Variants in PARP11 observed in about 807,000 individuals in gnomAD.
The protein encoded by PARP11 is protein mono-ADP-ribosyltransferase PARP11.
In PARP11, 31 loss-of-function variants were observed where a neutral mutation model predicts 42.9. That is an observed-to-expected ratio of 0.72 (90% CI 0.54 to 0.98). PARP11 has a LOEUF of 0.98. PARP11 is among the 50% of genes least tolerant of loss of function. The pLI is 0.00. For missense variants in PARP11, 365 were observed against 413.1 expected, an observed-to-expected ratio of 0.88 and a Z score of 1.01; for synonymous variants, 137 against 127.3, an observed-to-expected ratio of 1.08 and a Z score of -0.51.
intron 4 of PARP11, among the ~76,000 whole-genome samples, chr12:3,823,098 G>A (rs933869219): frequency 3.3e-5 from 5 of 152,104 alleles, no homozygotes; most frequent in Admixed American, 6.5e-5. Flanking sequence ...CACACCAATC[G>A]CCTCCAGTGA....
At chr12:3,842,732 T>G (rs1388708411) in intron 1 of PARP11, among the ~76,000 whole-genome samples, 3 of 152,218 alleles carry the variant, frequency 2.0e-5, no homozygotes, top group Admixed American at 2.0e-4. Flanking sequence ...CAGAATCTGT[T>G]TATCTATCAA....
At position 3,868,415 on chromosome 12, in the gene PARP11, A is replaced by G. The variant is rs147518262; in HGVS notation, c.18+4797T>C. On this transcript the variant is annotated intron_variant, in intron 1 of 7. Transcript: ENST00000228820. ...GCAGAGGTTGCAGTTAGCCGAGATC[A>G]TGCCACTGCACTCCAGCTTGGGTGA... is the stretch of plus-strand genomic sequence containing the variant. 5.2e-3 allele frequency among the ~76,000 whole-genome samples: 787 copies of G among 152,284 alleles called. 8 individuals are homozygous for G. The highest frequency in any genetic ancestry group is 0.017 in the Middle Eastern group (5 of 294).
At chr12:3,824,487 A>C (rs1342463050) in intron 4 of PARP11, 1 of 215,446 alleles carries the variant, frequency 4.6e-6, no homozygotes, top group Non-Finnish European at 7.9e-6. Flanking sequence ...TGTATTACCT[A>C]CCTTGCATGT....
chr12:3,860,995 A>G (rs1948284382), intron 1 of PARP11, among the ~76,000 whole-genome samples: 1 of 152,182 alleles, frequency 6.6e-6, no homozygotes, highest in Non-Finnish European at 1.5e-5. Flanking sequence ...GCATTTTGGA[A>G]GCACATATTT....
intron 6 of PARP11, chr12:3,814,927 T>C (rs994966932): frequency 4.1e-5 from 15 of 367,704 alleles, no homozygotes; most frequent in African/African-American, 3.2e-4. Flanking sequence ...AAAATAATAC[T>C]GTGTATTATG....
Position 3,821,890 on chromosome 12 carries a change from C to T in PARP11, c.531G>A (p.Leu177=). 1 of 1,606,662 alleles carries T rather than the reference C, an allele frequency of 6.2e-7. No homozygotes were observed. Among genetic ancestry groups the T allele is most frequent in the Non-Finnish European group, 8.5e-7 (1 of 1,178,502 alleles). ...KRIQRIQNLD[L]WEFFCRKKAQ... ...CATCTCACCTGCAAAAGAACTCCCA[C>T]AAATCTAGGTTTTGAATTCTCTGAA... The change falls in exon 6 of 8, where the codon TTG becomes TTA. Residue 177 remains leucine, a synonymous_variant. Transcript: ENST00000228820.
intron 1 of PARP11, among the ~76,000 whole-genome samples, chr12:3,869,994 G>C (rs1948446974): frequency 6.6e-6 from 1 of 152,094 alleles, no homozygotes; most frequent in South Asian, 2.1e-4. Flanking sequence ...ATGATTCGTG[G>C]CCCCAGGCAG....
At chr12:3,818,434 C>T (rs1411531271) in intron 6 of PARP11, among the ~76,000 whole-genome samples, 2 of 152,192 alleles carry the variant, frequency 1.3e-5, no homozygotes, top group Non-Finnish European at 2.9e-5. Flanking sequence ...CATCTCACCA[C>T]ACTTCTTCAG....
chr12:3,840,927 T>C lies in PARP11; in HGVS notation c.19-10909A>G. 6.2e-7 allele frequency: 1 copy of C among 1,604,922 alleles called. No individual in the cohort carries two copies. The highest frequency in any genetic ancestry group is 8.5e-7 in the Non-Finnish European group (1 of 1,171,662). Reference sequence around the variant, plus strand: ...TTTCTCCAGAGGTACATCTAACTCCTGCAGTGCCTTCTTTACCAGCCACTG... The same window carrying C: ...TTTCTCCAGAGGTACATCTAACTCCCGCAGTGCCTTCTTTACCAGCCACTG... On this transcript the variant is annotated intron_variant, in intron 1 of 7. Transcript: ENST00000228820. The surrounding 1 kb of genome is among the most constrained non-coding windows in gnomAD (Gnocchi z 4.4).
intron 1 of PARP11, among the ~76,000 whole-genome samples, chr12:3,865,889 C>CT (rs11376275): frequency 0.36 from 50,067 of 139,556 alleles, 10,082 homozygotes; most frequent in East Asian, 0.73. Context: ...TTGTTATTTG[C>CT]TTTTTTTTTT....
chr12:3,843,184 G>C (rs1035021386), intron 1 of PARP11, among the ~76,000 whole-genome samples: 1 of 152,052 alleles, frequency 6.6e-6, no homozygotes, highest in Non-Finnish European at 1.5e-5. Context: ...GTATATTTTT[G>C]AATTTTGGTA....
At chr12:3,838,694 T>C (rs920106340) in intron 1 of PARP11, among the ~76,000 whole-genome samples, 1 of 152,166 alleles carries the variant, frequency 6.6e-6, no homozygotes, top group African/African-American at 2.4e-5. Flanking sequence ...TAAACAAAAA[T>C]GGACAATTCT....
In PARP11 at chr12:3,841,022, C is replaced by T. The variant is rs1947877357; in HGVS notation, c.19-11004G>A. On this transcript the variant is annotated intron_variant, in intron 1 of 7. Coordinates refer to ENST00000228820, the MANE Select transcript of PARP11 (RefSeq NM_020367.6). ...GTCCCTGCTCCAATTCCTGGTCGGT[C>T]AGTGACACAGACTTTGACCCCTGGA... is the stretch of plus-strand genomic sequence containing the variant. The T allele has an allele frequency of 3.2e-6, 5 of 1,583,426 alleles. No individual in the cohort carries two copies. The Admixed American group carries it at 8.3e-5, about 26-fold the overall frequency.
At chr12:3,824,523 G>A (rs1807557467) in intron 4 of PARP11, 1 of 358,708 alleles carries the variant, frequency 2.8e-6, no homozygotes, top group Non-Finnish European at 3.9e-6. Context: ...TATTCCCACA[G>A]TAAATAAATA....
chr12:3,820,248 C>A (rs1947366597), intron 6 of PARP11, among the ~76,000 whole-genome samples: 1 of 152,154 alleles, frequency 6.6e-6, no homozygotes, highest in Non-Finnish European at 1.5e-5. Flanking sequence ...GAGGCCTAGG[C>A]AATTTGAAAA....
Position 3,812,298 on chromosome 12 carries a change from C to A in PARP11, c.842G>T (p.Arg281Leu), listed in dbSNP as rs748949914. 2 of 1,614,174 alleles carry A rather than the reference C, an allele frequency of 1.2e-6. No homozygotes were observed. The highest frequency in any genetic ancestry group is 1.7e-5 in the Admixed American group (1 of 60,028). Residue 281 changes from arginine (R) to leucine (L), a missense_variant, in exon 8 of 8, where the codon CGA becomes CTA. Transcript: ENST00000228820. ...GTTTATGTAATCTCCAATTAGCACT[C>A]GAGCAAGAAACATAGATTTATATGT... ...FRTYKSMFLA[R>L]VLIGDYINGD...
At chr12:3,831,732 C>T (rs1322966853) in intron 1 of PARP11, among the ~76,000 whole-genome samples, 1 of 152,100 alleles carries the variant, frequency 6.6e-6, no homozygotes, top group African/African-American at 2.4e-5. Context: ...ATAGAACACC[C>T]TAGGATCAAA....
In PARP11 at chr12:3,812,161, T is replaced by G. The variant is rs780613912; in HGVS notation, c.979A>C (p.Asn327His). The part of the protein sequence containing the change: ...NPKIFVVFDA[N>H]QIYPEYLIDF... ...ATCAAGTACTCAGGATAGATTTGGT[T>G]GGCATCAAAAACCACAAAGATCTTT... is the stretch of plus-strand genomic sequence containing the variant. The change falls in exon 8 of 8, where the codon AAC becomes CAC. Residue 327 changes from asparagine (N) to histidine (H), a missense_variant. By Grantham distance (68) the Asn-to-His change is moderately conservative (BLOSUM62 1). Transcript: ENST00000228820. The G allele has an allele frequency of 6.2e-7, 1 of 1,613,900 alleles. No individual in the cohort carries two copies. Among genetic ancestry groups the G allele is most frequent in the Non-Finnish European group, 8.5e-7 (1 of 1,179,978 alleles).
intron 1 of PARP11, among the ~76,000 whole-genome samples, chr12:3,854,516 A>G (rs1266461854): frequency 6.6e-6 from 1 of 152,226 alleles, no homozygotes; most frequent in East Asian, 1.9e-4. Context: ...ACCTCTACGC[A>G]AATAAACTAG....
Sources: gnomAD v4.1 joint callset for allele counts (sites outside exome capture counted in the v4.1 genomes callset) on GRCh38, gnomAD v4.1.1 for gene constraint, Gnocchi (gnomAD v3.1) non-coding constraint, MANE v1.5 for transcripts, NCBI Gene and HGNC (gene_info 2026-07-23, HGNC 2026-07-21) for gene names.